PORCN: variants seen among roughly 807,000 people sequenced by gnomAD.
The protein encoded by PORCN is porcupine O-acyltransferase.
Under a neutral mutation model 43.0 loss-of-function variants are expected in PORCN, and 1 was observed. The observed-to-expected ratio is 0.02, with a 90% CI of 0.01 to 0.11. The LOEUF is 0.11. PORCN is among the 10% of genes least tolerant of loss of function. The probability of loss-of-function intolerance (pLI) is 1.00; values close to 1 mark genes in which losing one functional copy is unlikely to be tolerated. For synonymous variants in PORCN, 148 were observed against 166.4 expected, an observed-to-expected ratio of 0.89 and a Z score of 0.85; for missense variants, 240 against 392.1, an observed-to-expected ratio of 0.61 and a Z score of 3.28.
chrX:48,514,520 C>T lies in PORCN; in HGVS notation c.846-5C>T, dbSNP rs782214260. On this transcript the variant is annotated splice_region_variant and splice_polypyrimidine_tract_variant and intron_variant, in intron 9 of 14. Transcript: ENST00000326194. The stretch of plus-strand genomic sequence containing the variant: ...AATGGATTTGCATATCTCTTCTGCC[C>T]CCAGGGACCTGACGGTGTCCAAGCC... 1.1e-5 allele frequency: 13 copies of T among 1,206,689 alleles called. No individual in the cohort carries two copies. Among genetic ancestry groups the T allele is most frequent in the Non-Finnish European group, 1.5e-5 (13 of 892,063 alleles).
intron 2 of PORCN, among the ~76,000 whole-genome samples, chrX:48,511,012 G>A (rs1556973756): frequency 9.0e-6 from 1 of 111,491 alleles, no homozygotes; most frequent in African/African-American, 3.3e-5. Flanking sequence ...TCCCCCAAAT[G>A]CCCTTTATAG....
intron 10 of PORCN, 137 bp downstream of exon 10, chrX:48,514,762 G>A (rs1383416413): frequency 3.9e-5 from 21 of 532,609 alleles, no homozygotes; most frequent in East Asian, 2.5e-4. Context: ...TCTCCTGGGG[G>A]GGCAGATGAT....
At chrX:48,509,353 C>A in intron 1 of PORCN, 1 of 286,774 alleles carries the variant, frequency 3.5e-6, no homozygotes, top group Non-Finnish European at 5.8e-6. Context: ...CCCGTGCCGC[C>A]GCATCCATAC....
intron 1 of PORCN, chrX:48,509,473 A>C: frequency 1.0e-6 from 1 of 952,466 alleles, no homozygotes; most frequent in Non-Finnish European, 1.3e-6. Context: ...CGCCCGCCCC[A>C]TTTGATATAT....
In PORCN at chrX:48,512,525, T is replaced by C; in HGVS notation, c.555+18T>C. 1 of 1,207,703 alleles carries C rather than the reference T, an allele frequency of 8.3e-7. No individual in the cohort carries two copies. Among genetic ancestry groups the C allele is most frequent in the Non-Finnish European group, 1.1e-6 (1 of 893,508 alleles). ...GCCCACTGGTGAGGTCCTGAGTGGA[T>C]GGGTGGGCAGGGACTGTGGGAGCCA... On this transcript the variant is annotated intron_variant, in intron 5 of 14. Transcript: ENST00000326194.
rs1301226621 is a variant in PORCN at position 48,515,499 on chromosome X, G to A, written c.947-218G>A. 7 of 448,753 alleles carry A rather than the reference G, an allele frequency of 1.6e-5. No homozygotes were observed. The Admixed American group carries it at 1.8e-4, about 12-fold the overall frequency. 37.0% of individuals were successfully genotyped at this position (448,753 alleles called of 1,213,427 possible). A position where few individuals can be genotyped will look rare whatever the true frequency, so the allele number is the denominator to read the frequency against. On this transcript the variant is annotated intron_variant, in intron 10 of 14. Coordinates refer to ENST00000326194, the MANE Select transcript of PORCN (RefSeq NM_203475.3). ...TCCCAGGTTTTTGCCCTGAGGAACT[G>A]GAAACGTGGAGTTGACATTGACTGA...
chrX:48,510,113 C>T (rs191461927), intron 2 of PORCN, among the ~76,000 whole-genome samples, 157 bp downstream of exon 2: 1 of 110,891 alleles, frequency 9.0e-6, no homozygotes, highest in Non-Finnish European at 1.9e-5. Context: ...TCCCACCAGG[C>T]CAAACCCCAT....
chrX:48,510,803 A>G (rs1556973730), intron 2 of PORCN, among the ~76,000 whole-genome samples: 1 of 109,661 alleles, frequency 9.1e-6, no homozygotes, highest in African/African-American at 3.3e-5. Flanking sequence ...CTATCCATCT[A>G]TCTATCTATC....
rs147571289 is a variant in PORCN at position 48,511,455 on chromosome X, A to G, written c.297A>G (p.Leu99=). 1.6e-5 allele frequency: 19 copies of G among 1,208,169 alleles called. No homozygotes were observed. The Admixed American group carries it at 3.1e-4, about 20-fold the overall frequency. ...CRHSSHRGVF[L]SVTILIYLLM... ...ATTCCTCCCATCGAGGCGTCTTCCTATCCGTCACCATCCTCATCTACCTAC... is the reference window on the plus strand; with the variant it reads ...ATTCCTCCCATCGAGGCGTCTTCCTGTCCGTCACCATCCTCATCTACCTAC... The change falls in exon 3 of 15, where the codon CTA becomes CTG. Residue 99 remains leucine (L), a synonymous_variant. Transcript: ENST00000326194.
chrX:48,512,938 A>G (rs1489664541), intron 7 of PORCN, 86 bp downstream of exon 7: 2 of 1,104,812 alleles, frequency 1.8e-6, no homozygotes, highest in Admixed American at 4.4e-5. Flanking sequence ...CTGTGTGTCC[A>G]AGTGTGTCTG....
In PORCN at chrX:48,509,899, G is replaced by A; in HGVS notation, c.79G>A (p.Asp27Asn). 8.3e-7 allele frequency: 1 copy of A among 1,211,775 alleles called. No homozygotes were observed. The highest frequency in any genetic ancestry group is 1.1e-6 in the Non-Finnish European group (1 of 895,497). The change falls in exon 2 of 15, where the codon GAC becomes AAC. Residue 27 changes from aspartate (D) to asparagine (N), a missense_variant. Asp to Asn is a conservative substitution (Grantham distance 23). Transcript: ENST00000326194. Reference protein sequence around the residue: ...CLLPTAQQGLDQIWLLLAICL... With the variant: ...CLLPTAQQGLNQIWLLLAICL... ...CCTGCCTACTGCCCAGCAGGGCCTTGACCAGATCTGGCTGCTCCTTGCCAT... is the reference window on the plus strand; with the variant it reads ...CCTGCCTACTGCCCAGCAGGGCCTTAACCAGATCTGGCTGCTCCTTGCCAT...
chrX:48,511,207 TCCCTCC>T, intron 2 of PORCN, 82 bp from the exon 3 acceptor site: 1 of 483,094 alleles, frequency 2.1e-6, no homozygotes, highest in East Asian at 4.6e-5. Context: ...CCTCTCTCTC[TCCCTCC>T]CTCCCTCCCT....
At chrX:48,513,025 A>T (rs1464940028) in intron 7 of PORCN, among the ~76,000 whole-genome samples, 173 bp downstream of exon 7, 2 of 111,881 alleles carry the variant, frequency 1.8e-5, no homozygotes, top group Non-Finnish European at 3.8e-5. Context: ...ACTCTGTTTG[A>T]CTGACACTCC....
intron 8 of PORCN, 38 bp from the exon 9 acceptor site, chrX:48,514,202 G>A (rs782806345): frequency 9.1e-6 from 11 of 1,211,987 alleles, no homozygotes; most frequent in Non-Finnish European, 1.2e-5. Context: ...GTTGGGACCT[G>A]AACGTGATGC....
chrX:48,511,176 A>C, intron 2 of PORCN, 119 bp from the exon 3 acceptor site: 17 of 640,040 alleles, frequency 2.7e-5, no homozygotes, highest in East Asian at 1.1e-4. Context: ...CTAGCCCACC[A>C]ACCTTCTCTT....
intron 13 of PORCN, among the ~76,000 whole-genome samples, chrX:48,516,896 A>G (rs1219261292): frequency 1.8e-5 from 2 of 111,169 alleles, no homozygotes; most frequent in African/African-American, 3.3e-5. Flanking sequence ...ACTCCCGTTC[A>G]TTACTATAAA....
intron 7 of PORCN, 27 bp downstream of exon 7, chrX:48,512,879 G>T: frequency 8.3e-7 from 1 of 1,210,434 alleles, no homozygotes; most frequent in Middle Eastern, 2.3e-4. Context: ...GTGAGGGCAC[G>T]TGGAGTGGGG....
Position 48,520,384 on chromosome X carries a change from A to G in PORCN, c.1294A>G (p.Met432Val), listed in dbSNP as rs192546852. The change falls in exon 15 of 15, where the codon ATG becomes GTG. Residue 432 changes from methionine to valine, a missense_variant. Met to Val is a conservative substitution (Grantham distance 21). Coordinates refer to ENST00000326194, the MANE Select transcript of PORCN (RefSeq NM_203475.3). ...TCTTTCTCTCCCACAGGGCTACGGC[A>G]TGGCATACACTGTCCACAAGTGGTC... ...DDTTEEQGYG[M>V]AYTVHKWSEL... The G allele has an allele frequency of 2.5e-6, 3 of 1,204,512 alleles. No homozygotes were observed. In the African/African-American group the frequency reaches 5.3e-5, roughly 21 times the overall value.
chrX:48,509,656 C>T (rs1001972417), intron 1 of PORCN, 128 bp from the exon 2 acceptor site: 1 of 1,149,462 alleles, frequency 8.7e-7, no homozygotes. Context: ...CGCCTTCCCC[C>T]AGTCCTCCAG....
Sources: allele counts gnomAD v4.1 joint callset (sites outside exome capture counted in the v4.1 genomes callset), GRCh38; gene constraint gnomAD v4.1.1; transcripts MANE v1.5; gene names NCBI Gene and HGNC (gene_info 2026-07-23, HGNC 2026-07-21).